The following PPP1CB variants were observed in gnomAD, a reference collection of about 807,000 sequenced individuals.
PPP1CB encodes protein phosphatase 1 catalytic subunit beta, also known as serine/threonine-protein phosphatase PP1-beta catalytic subunit.
Under a neutral mutation model 43.7 loss-of-function variants are expected in PPP1CB, and 2 were observed. The ratio of observed to expected loss-of-function variants is 0.05; its 90% CI spans 0.02 to 0.14. The LOEUF (loss-of-function observed/expected upper bound fraction) is 0.14. PPP1CB is among the 10% of genes least tolerant of loss of function. The probability of loss-of-function intolerance (pLI) is 1.00; values close to 1 mark genes in which losing one functional copy is unlikely to be tolerated. For synonymous variants in PPP1CB, 136 were observed against 135.6 expected, an observed-to-expected ratio of 1.00 and a Z score of -0.02; for missense variants, 84 against 398.0, an observed-to-expected ratio of 0.21 and a Z score of 6.71.
At chr2:28,756,518 A>G (rs936961231) in intron 1 of PPP1CB, among the ~76,000 whole-genome samples, 2 of 152,270 alleles carry the variant, frequency 1.3e-5, no homozygotes, top group African/African-American at 2.4e-5. Context: ...AACTTTTCCT[A>G]TTCAAGACAG....
chr2:28,754,333 T>C (rs1666428473), intron 1 of PPP1CB, among the ~76,000 whole-genome samples: 1 of 29,738 alleles, frequency 3.4e-5, no homozygotes, highest in Non-Finnish European at 8.2e-5. Flanking sequence ...CTGTTTTCCT[T>C]TTTTGGGGGG....
intron 1 of PPP1CB, among the ~76,000 whole-genome samples, chr2:28,768,898 C>G (rs976407280): frequency 2.6e-5 from 4 of 151,664 alleles, no homozygotes; most frequent in African/African-American, 9.7e-5. Context: ...GTGGAAAGGT[C>G]TATCATGTAT....
chr2:28,784,505 C>T (rs989734726), intron 5 of PPP1CB, among the ~76,000 whole-genome samples: 2 of 152,030 alleles, frequency 1.3e-5, no homozygotes, highest in Non-Finnish European at 2.9e-5. Context: ...CTCAAGCAAT[C>T]CTCCTGCCTC....
At chr2:28,777,121 T>C (rs1667059204) in intron 2 of PPP1CB, 139 bp downstream of exon 2, 1 of 861,682 alleles carries the variant, frequency 1.2e-6, no homozygotes, top group South Asian at 2.3e-5. Context: ...TGTATAAAAA[T>C]TGAAACTTAT....
At chr2:28,772,645 T>C (rs902951306) in intron 1 of PPP1CB, among the ~76,000 whole-genome samples, 42 of 152,214 alleles carry the variant, frequency 2.8e-4, no homozygotes, top group African/African-American at 1.0e-3. Context: ...TGTCATATGT[T>C]CATAGAATGG....
At chr2:28,798,875 A>G (rs985840426) in intron 7 of PPP1CB, among the ~76,000 whole-genome samples, 2 of 152,096 alleles carry the variant, frequency 1.3e-5, no homozygotes, top group Non-Finnish European at 2.9e-5. Context: ...CTGTATCAGA[A>G]TTATGATGAC....
intron 7 of PPP1CB, among the ~76,000 whole-genome samples, chr2:28,796,105 T>TA (rs1345770666): frequency 6.6e-5 from 10 of 152,128 alleles, no homozygotes; most frequent in Admixed American, 5.2e-4. Flanking sequence ...GTTGCAGGAG[T>TA]ACAGCTTTAT....
chr2:28,752,201 C>G, intron 1 of PPP1CB, 25 bp downstream of exon 1: 2 of 1,529,274 alleles, frequency 1.3e-6, no homozygotes, highest in East Asian at 2.6e-5. Context: ...GGCCGCGGGA[C>G]AGAGGGAGGT....
chr2:28,756,833 A>G (rs1465730909), intron 1 of PPP1CB, among the ~76,000 whole-genome samples: 1 of 152,180 alleles, frequency 6.6e-6, no homozygotes, highest in Non-Finnish European at 1.5e-5. Flanking sequence ...GATTTGAAAA[A>G]TGAAATCGAT....
chr2:28,761,361 A>T (rs776860977), intron 1 of PPP1CB, among the ~76,000 whole-genome samples: 1 of 152,230 alleles, frequency 6.6e-6, no homozygotes, highest in Non-Finnish European at 1.5e-5. Flanking sequence ...TGTTTACTCA[A>T]ATATTAATAA....
intron 7 of PPP1CB, 121 bp from the exon 8 acceptor site, chr2:28,799,078 T>C (rs1667554916): frequency 1.5e-6 from 1 of 653,064 alleles, no homozygotes; most frequent in Non-Finnish European, 2.7e-6. Flanking sequence ...GGAACTTTGC[T>C]ATTCTACATT....
At chr2:28,769,802 AATAT>A in intron 1 of PPP1CB, among the ~76,000 whole-genome samples, 1 of 152,288 alleles carries the variant, frequency 6.6e-6, no homozygotes, top group East Asian at 1.9e-4. Context: ...ATGAAAAAAG[AATAT>A]ATAACGAAAA....
At chr2:28,783,704 C>G (rs1667203169) in intron 4 of PPP1CB, among the ~76,000 whole-genome samples, 1 of 151,396 alleles carries the variant, frequency 6.6e-6, no homozygotes, top group African/African-American at 2.4e-5. Context: ...TTGCAGTGAG[C>G]TGAGATCACG....
intron 1 of PPP1CB, among the ~76,000 whole-genome samples, chr2:28,753,198 T>A (rs1666377021): frequency 7.9e-6 from 1 of 126,424 alleles, no homozygotes; most frequent in African/African-American, 2.6e-5. Flanking sequence ...TAATCCTTTT[T>A]AAACAATTTA....
intron 3 of PPP1CB, among the ~76,000 whole-genome samples, chr2:28,781,307 T>A (rs1361960324): frequency 6.6e-6 from 1 of 152,146 alleles, no homozygotes; most frequent in Non-Finnish European, 1.5e-5. Context: ...ATCCCGCTGA[T>A]TTAACATATG....
At chr2:28,756,455 T>G (rs912205896) in intron 1 of PPP1CB, among the ~76,000 whole-genome samples, 1 of 152,230 alleles carries the variant, frequency 6.6e-6, no homozygotes, top group African/African-American at 2.4e-5. Flanking sequence ...TTCTTTCTTG[T>G]GAAACAGGTA....
chr2:28,776,396 G>A (rs1572457000), intron 1 of PPP1CB, among the ~76,000 whole-genome samples: 1 of 152,006 alleles, frequency 6.6e-6, no homozygotes, highest in African/African-American at 2.4e-5. Flanking sequence ...CAATTAGCTG[G>A]GATTACAGGC....
rs564347731 is a variant in PPP1CB, at chr2:28,770,690, A to T, written c.53-6161A>T. Among the ~76,000 whole-genome samples, 9 of 152,290 alleles carry T rather than the reference A, an allele frequency of 5.9e-5. No homozygotes were observed. The East Asian group carries it at 1.7e-3, about 29-fold the overall frequency. On this transcript the variant is annotated intron_variant, in intron 1 of 7. Transcript: ENST00000395366. ...TAACTAGTAGAACAAACAGGAAAAA[A>T]TCAGCGAGGATAAAGATTTGAACAA...
chr2:28,777,295 GTAAACA>G (rs1451635237), intron 2 of PPP1CB: 1 of 162,074 alleles, frequency 6.2e-6, no homozygotes, highest in East Asian at 1.7e-4. Context: ...CAAATGGCCA[GTAAACA>G]TAAGGACGTC....
Sources: gnomAD v4.1 joint callset for allele counts (sites outside exome capture counted in the v4.1 genomes callset) on GRCh38, gnomAD v4.1.1 for gene constraint, MANE v1.5 for transcripts, NCBI Gene and HGNC (gene_info 2026-07-23, HGNC 2026-07-21) for gene names.